Variants in SPECC1L observed in about 807,000 individuals in gnomAD.
SPECC1L encodes cytospin-A.
SPECC1L carries 40 observed loss-of-function variants against 116.8 expected under a neutral mutation model. That is an observed-to-expected ratio of 0.34 (90% CI 0.27 to 0.45). SPECC1L has a LOEUF of 0.45. Among genes scored for constraint, SPECC1L ranks in the 20% least tolerant of loss-of-function variants. The probability of loss-of-function intolerance (pLI) is 1.00; values close to 1 mark genes in which losing one functional copy is unlikely to be tolerated. For synonymous variants in SPECC1L, 504 were observed against 500.6 expected, an observed-to-expected ratio of 1.01 and a Z score of -0.09; for missense variants, 1,110 against 1,373.6, an observed-to-expected ratio of 0.81 and a Z score of 3.03.
At chr22:24,354,633 C>T (rs572243855) in intron 11 of SPECC1L, among the ~76,000 whole-genome samples, 4 of 151,734 alleles carry the variant, frequency 2.6e-5, no homozygotes, top group East Asian at 1.9e-4. Context: ...TGCACCAGCC[C>T]TGGAGTCAAC....
intron 4 of SPECC1L, among the ~76,000 whole-genome samples, chr22:24,314,141 T>C (rs1008716571): frequency 1.3e-5 from 2 of 152,070 alleles, no homozygotes; most frequent in Non-Finnish European, 2.9e-5. Context: ...GCCTCCTGGG[T>C]TGATGCCATT....
intron 14 of SPECC1L, among the ~76,000 whole-genome samples, chr22:24,389,278 G>A (rs779397212): frequency 6.6e-6 from 1 of 151,806 alleles, no homozygotes; most frequent in Admixed American, 6.6e-5. Flanking sequence ...CACCATGGCC[G>A]GCTAATGTTT....
chr22:24,400,125 T>C (rs2042444967), intron 14 of SPECC1L, among the ~76,000 whole-genome samples: 1 of 152,214 alleles, frequency 6.6e-6, no homozygotes, highest in Non-Finnish European at 1.5e-5. Context: ...TTTTTAAACA[T>C]ACAATTCGGT....
At chr22:24,404,020 A>T (rs1278475445) in intron 14 of SPECC1L, among the ~76,000 whole-genome samples, 1 of 152,160 alleles carries the variant, frequency 6.6e-6, no homozygotes, top group Non-Finnish European at 1.5e-5. Context: ...CTGTTGCTTC[A>T]TGGCAACTCA....
chr22:24,335,469 T>G (rs528021401), intron 9 of SPECC1L, among the ~76,000 whole-genome samples: 4 of 152,292 alleles, frequency 2.6e-5, no homozygotes, highest in African/African-American at 9.6e-5. Flanking sequence ...TCTAGAAGGC[T>G]TACTCTTCCC....
intron 3 of SPECC1L, among the ~76,000 whole-genome samples, chr22:24,305,201 A>G (rs930560706): frequency 1.3e-5 from 2 of 152,236 alleles, no homozygotes; most frequent in African/African-American, 4.8e-5. Context: ...ACGTACAGCA[A>G]AGTCCACAAA....
intron 11 of SPECC1L, among the ~76,000 whole-genome samples, chr22:24,362,400 G>T (rs537564561): frequency 5.3e-5 from 8 of 152,322 alleles, no homozygotes; most frequent in African/African-American, 1.9e-4. Context: ...AAGACAGCTT[G>T]TGTTTAGAGA....
At position 24,381,198 on chromosome 22, in the gene SPECC1L, C is replaced by G. The variant is rs2042055944; in HGVS notation, c.3087+11878C>G. On this transcript the variant is annotated intron_variant, in intron 14 of 16. Transcript: ENST00000314328. ...CACTGTTTTCTTGCCCTGGAAAACC[C>G]TAACTGAATGTAATCAGGATGCCCC... Among the ~76,000 whole-genome samples, 3 of 152,086 alleles carry G rather than the reference C, an allele frequency of 2.0e-5. No homozygotes were observed. The South Asian group carries it at 6.2e-4, about 32-fold the overall frequency.
At chr22:24,302,097 C>T in intron 2 of SPECC1L, 98 bp from the exon 3 acceptor site, 1 of 968,338 alleles carries the variant, frequency 1.0e-6, no homozygotes, top group Non-Finnish European at 1.6e-6. Flanking sequence ...ATCTAGCTTT[C>T]AAACAGTTTT....
intron 11 of SPECC1L, among the ~76,000 whole-genome samples, chr22:24,357,724 G>T (rs536136988): frequency 1.3e-5 from 2 of 152,158 alleles, no homozygotes; most frequent in African/African-American, 4.8e-5. Context: ...GGCAGAACAG[G>T]CTTCCAGTTT....
intron 14 of SPECC1L, among the ~76,000 whole-genome samples, chr22:24,371,866 C>T (rs577036739): frequency 2.0e-5 from 3 of 152,304 alleles, no homozygotes; most frequent in South Asian, 2.1e-4. Context: ...GGATTACAAA[C>T]GTGTGCTATC....
Position 24,321,943 on chromosome 22 carries a change from A to G in SPECC1L, c.963A>G (p.Ser321=). The G allele has an allele frequency of 6.2e-7, 1 of 1,614,246 alleles. No individual in the cohort carries two copies. Among genetic ancestry groups the G allele is most frequent in the Non-Finnish European group, 8.5e-7 (1 of 1,180,048 alleles). ...CAGTGGAAGGCTCTGCCCCTGGCTC[A>G]GTGGAGGATCTCTTGAGTCAGGATG... ...TSSVEGSAPG[S]VEDLLSQDEN... The change falls in exon 5 of 17, where the codon TCA becomes TCG. Residue 321 remains serine (S), a synonymous_variant. Coordinates refer to ENST00000314328, the MANE Select transcript of SPECC1L (RefSeq NM_015330.6).
intron 2 of SPECC1L, among the ~76,000 whole-genome samples, chr22:24,281,525 T>G (rs2048942342): frequency 6.6e-6 from 1 of 152,230 alleles, no homozygotes; most frequent in South Asian, 2.1e-4. Context: ...ATCTTTCCAG[T>G]TTTTTGAAGG....
chr22:24,414,406 G>A (rs2042763205), intron 16 of SPECC1L, 128 bp from the exon 17 acceptor site: 1 of 782,694 alleles, frequency 1.3e-6, no homozygotes, highest in Non-Finnish European at 2.2e-6. Flanking sequence ...TTAAAAATGT[G>A]TAATTAGGCC....
intron 2 of SPECC1L, among the ~76,000 whole-genome samples, chr22:24,284,268 T>C (rs936209135): frequency 6.6e-6 from 1 of 152,142 alleles, no homozygotes; most frequent in Non-Finnish European, 1.5e-5. Flanking sequence ...CCCACAAATT[T>C]TGATATGTTA....
At chr22:24,272,767 T>A (rs2048755382) in intron 1 of SPECC1L, among the ~76,000 whole-genome samples, 1 of 152,010 alleles carries the variant, frequency 6.6e-6, no homozygotes, top group Non-Finnish European at 1.5e-5. Flanking sequence ...TTGTTGTGGG[T>A]AAAATTGTTT....
chr22:24,393,038 G>A (rs2042301544), intron 14 of SPECC1L, among the ~76,000 whole-genome samples: 1 of 152,218 alleles, frequency 6.6e-6, no homozygotes, highest in Admixed American at 6.5e-5. Flanking sequence ...CACCTTTGAT[G>A]ACACAGTCTT....
intron 10 of SPECC1L, among the ~76,000 whole-genome samples, chr22:24,340,978 TAA>T (rs2041165920): frequency 1.3e-5 from 2 of 152,192 alleles, no homozygotes; most frequent in Non-Finnish European, 1.5e-5. Flanking sequence ...ACATTGTACG[TAA>T]CTGTGATCCC....
At chr22:24,395,565 A>G (rs2042351412) in intron 14 of SPECC1L, among the ~76,000 whole-genome samples, 1 of 152,220 alleles carries the variant, frequency 6.6e-6, no homozygotes, top group African/African-American at 2.4e-5. Context: ...TGTTTAAGAG[A>G]CATTTTCATG....
Sources: allele counts gnomAD v4.1 joint callset (sites outside exome capture counted in the v4.1 genomes callset), GRCh38; gene constraint gnomAD v4.1.1; transcripts MANE v1.5; gene names NCBI Gene and HGNC (gene_info 2026-07-23, HGNC 2026-07-21).